Variants in SKI observed in about 807,000 individuals in gnomAD.
The protein encoded by SKI is ski oncogene.
In SKI, 23 loss-of-function variants were observed where a neutral mutation model predicts 59.3. The observed-to-expected ratio is 0.39, with a 90% CI of 0.28 to 0.55. SKI has a LOEUF of 0.55. SKI is among the 20% of genes least tolerant of loss of function. The pLI, the probability that SKI is intolerant of heterozygous loss-of-function variation, is 0.67. For missense variants in SKI, 1,017 were observed against 1,038.9 expected, an observed-to-expected ratio of 0.98 and a Z score of 0.29; for synonymous variants, 673 against 488.6, an observed-to-expected ratio of 1.38 and a Z score of -4.98.
chr1:2,233,944 C>T (rs544749872), intron 1 of SKI, among the ~76,000 whole-genome samples: 26 of 152,274 alleles, frequency 1.7e-4, no homozygotes, highest in South Asian at 2.1e-4. Context: ...GGGAGCACTT[C>T]GGGGGCTATC....
intron 1 of SKI, among the ~76,000 whole-genome samples, chr1:2,230,771 C>T (rs1284932284): frequency 6.6e-6 from 1 of 152,192 alleles, no homozygotes. Context: ...GCTGCATTGG[C>T]TCAGCTATTC....
chr1:2,264,604 G>A (rs1048149876), intron 1 of SKI, among the ~76,000 whole-genome samples: 4 of 151,854 alleles, frequency 2.6e-5, no homozygotes, highest in African/African-American at 4.8e-5. Context: ...ATTTCACCAT[G>A]TTGGTCAGCC....
At chr1:2,294,781 GCC>G (rs1640246528) in intron 1 of SKI, among the ~76,000 whole-genome samples, 1 of 152,176 alleles carries the variant, frequency 6.6e-6, no homozygotes, top group South Asian at 2.1e-4. Flanking sequence ...GGGCCCTCAG[GCC>G]CCCGTCTGCC....
intron 1 of SKI, among the ~76,000 whole-genome samples, chr1:2,294,759 C>G (rs1285495690): frequency 2.6e-5 from 4 of 152,250 alleles, no homozygotes; most frequent in Middle Eastern, 3.2e-3. Flanking sequence ...CCGAGAGCCA[C>G]CTGCTCTCCC....
chr1:2,257,369 G>A (rs914720538), intron 1 of SKI, among the ~76,000 whole-genome samples: 2 of 152,234 alleles, frequency 1.3e-5, no homozygotes, highest in African/African-American at 4.8e-5. Context: ...GGGAGCCCGC[G>A]GATGGCTCTT....
chr1:2,268,240 C>T lies in SKI; in HGVS notation c.970-34738C>T, dbSNP rs947472889. 2.0e-5 allele frequency among the ~76,000 whole-genome samples: 3 copies of T among 152,192 alleles called. No homozygotes were observed. The highest frequency in any genetic ancestry group is 2.9e-5 in the Non-Finnish European group (2 of 68,020). The stretch of plus-strand genomic sequence containing the variant: ...CGGCGTCGCCTCCCTGCTGCTCCTA[C>T]TGTGTGCTTTCTTGCCCCTCCAGTG... On this transcript the variant is annotated intron_variant, in intron 1 of 6. Transcript: ENST00000378536. The surrounding 1 kb of genome is among the most constrained non-coding windows in gnomAD (Gnocchi z 5.0).
chr1:2,256,194 C>G (rs118018485), intron 1 of SKI, among the ~76,000 whole-genome samples: 1 of 151,660 alleles, frequency 6.6e-6, no homozygotes, highest in African/African-American at 2.4e-5. Context: ...GTGTCCTGAC[C>G]TCATTTCCTG....
chr1:2,261,230 C>T (rs1037473604), intron 1 of SKI, among the ~76,000 whole-genome samples: 2 of 152,148 alleles, frequency 1.3e-5, no homozygotes, highest in Admixed American at 1.3e-4. Flanking sequence ...GCGCTCTAAC[C>T]CTGCACTTTT....
At chr1:2,274,834 ATCT>A (rs1557833686) in intron 1 of SKI, among the ~76,000 whole-genome samples, 1 of 152,156 alleles carries the variant, frequency 6.6e-6, no homozygotes, top group Non-Finnish European at 1.5e-5. Flanking sequence ...TGCTGCAGTC[ATCT>A]TCAGTCACTT....
rs574079906 is a variant in SKI, at chr1:2,295,412, C to T, written c.970-7566C>T. On this transcript the variant is annotated intron_variant, in intron 1 of 6. Transcript: ENST00000378536. ...TAAGACTGTATTCAGATATAATTTGCGTACCATAAAATTCTTCCTTCCACA... is the reference window on the plus strand; with the variant it reads ...TAAGACTGTATTCAGATATAATTTGTGTACCATAAAATTCTTCCTTCCACA... 9.8e-5 allele frequency among the ~76,000 whole-genome samples: 15 copies of T among 152,350 alleles called. No homozygotes were observed. The South Asian group carries it at 1.4e-3, about 15-fold the overall frequency.
At chr1:2,306,499 A>G (rs1640584846) in intron 6 of SKI, 78 bp from the exon 7 acceptor site, 3 of 1,422,864 alleles carry the variant, frequency 2.1e-6, no homozygotes, top group Admixed American at 2.0e-5. Flanking sequence ...GCGGCGCAGG[A>G]GCCTCGGGTG....
intron 1 of SKI, among the ~76,000 whole-genome samples, chr1:2,302,502 C>T (rs1004879034): frequency 6.6e-6 from 1 of 152,172 alleles, no homozygotes; most frequent in Non-Finnish European, 1.5e-5. Flanking sequence ...CAGACGCATC[C>T]GTCGTGAGTG....
intron 1 of SKI, among the ~76,000 whole-genome samples, chr1:2,263,256 G>C (rs1639426604): frequency 9.0e-6 from 1 of 111,104 alleles, no homozygotes; most frequent in South Asian, 3.0e-4. Context: ...TTTTTTTTTG[G>C]AGACGGAGTC....
chr1:2,288,911 C>G (rs913939050), intron 1 of SKI, among the ~76,000 whole-genome samples: 1 of 152,172 alleles, frequency 6.6e-6, no homozygotes, highest in African/African-American at 2.4e-5. Flanking sequence ...TGCACAGAAG[C>G]CACCCTTGGG....
At chr1:2,231,678 C>T (rs555963507) in intron 1 of SKI, among the ~76,000 whole-genome samples, 14 of 152,364 alleles carry the variant, frequency 9.2e-5, no homozygotes, top group South Asian at 6.2e-4. Flanking sequence ...ACGACGTGCA[C>T]GGTGTGAGTG....
At chr1:2,252,395 G>T (rs1639171424) in intron 1 of SKI, among the ~76,000 whole-genome samples, 1 of 152,160 alleles carries the variant, frequency 6.6e-6, no homozygotes, top group South Asian at 2.1e-4. Flanking sequence ...CTGGTGCAGG[G>T]CTGCACTCAG....
In SKI at chr1:2,291,799, C is replaced by CT. The variant is rs200768046; in HGVS notation, c.970-11174dup. 8.0e-3 allele frequency among the ~76,000 whole-genome samples: 1,226 copies of CT among 152,324 alleles called. 23 individuals are homozygous for CT. The highest frequency in any genetic ancestry group is 0.028 in the African/African-American group (1,146 of 41,560). On this transcript the variant is annotated intron_variant, in intron 1 of 6. Transcript: ENST00000378536. ...ACTCAGTTTCCTTAGAAAGATTTGG[C>CT]TTTTTGTCATCAACAGCGCTAAAGT... is the stretch of plus-strand genomic sequence containing the variant.
chr1:2,273,985 C>G (rs1400964716), intron 1 of SKI, among the ~76,000 whole-genome samples: 1 of 152,112 alleles, frequency 6.6e-6, no homozygotes, highest in Non-Finnish European at 1.5e-5. Flanking sequence ...ACAACAGTGT[C>G]CTGGTCGCCC....
intron 1 of SKI, among the ~76,000 whole-genome samples, chr1:2,295,036 C>T (rs539645955): frequency 7.9e-5 from 12 of 152,254 alleles, no homozygotes; most frequent in Non-Finnish European, 1.8e-4. Context: ...TCAGATGGAG[C>T]TTTCTGTTCT....
Sources: gnomAD v4.1 joint callset for allele counts (sites outside exome capture counted in the v4.1 genomes callset) on GRCh38, gnomAD v4.1.1 for gene constraint, Gnocchi (gnomAD v3.1) non-coding constraint, MANE v1.5 for transcripts, NCBI Gene and HGNC (gene_info 2026-07-23, HGNC 2026-07-21) for gene names.